The following ADAM20 variants were observed in gnomAD, a reference collection of about 807,000 sequenced individuals.
ADAM20 encodes disintegrin and metalloproteinase domain-containing protein 20.
For synonymous variants in ADAM20, 305 were observed against 310.2 expected, an observed-to-expected ratio of 0.98 and a Z score of 0.18; for missense variants, 871 against 883.2, an observed-to-expected ratio of 0.99 and a Z score of 0.18.
rs1395403496 is a variant in ADAM20, at chr14:70,523,715, A to G, written c.1043T>C (p.Leu348Ser). ...ITLGHELGHNLGMQHDTQWCV... is the reference protein window; with the variant it reads ...ITLGHELGHNSGMQHDTQWCV... ...CCACTGGGTGTCATGTTGCATACCC[A>G]AATTATGACCAAGCTCGTGGCCCAA... is the stretch of plus-strand genomic sequence containing the variant. The change falls in exon 2 of 2, where the codon TTG becomes TCG. Residue 348 changes from leucine to serine, a missense_variant. By Grantham distance (145) the Leu-to-Ser change is moderately radical. Transcript: ENST00000256389. 1.2e-6 allele frequency: 2 copies of G among 1,614,082 alleles called. No homozygotes were observed. Among genetic ancestry groups the G allele is most frequent in the Admixed American group, 1.7e-5 (1 of 59,990 alleles).
At chr14:70,565,593 A>T in the ADAM20 span, among the ~76,000 whole-genome samples, 2 of 152,214 alleles carry the variant, frequency 1.3e-5, no homozygotes, top group African/African-American at 4.8e-5. Context: ...GCAGGCCAAG[A>T]GAGTGAGATG....
the ADAM20 span, among the ~76,000 whole-genome samples, chr14:70,546,693 T>C: frequency 1.5e-3 from 227 of 152,130 alleles, no homozygotes; most frequent in African/African-American, 5.3e-3. Flanking sequence ...TCACAGCACC[T>C]ACATCAACAA....
At chr14:70,561,032 C>A in the ADAM20 span, among the ~76,000 whole-genome samples, 1 of 152,116 alleles carries the variant, frequency 6.6e-6, no homozygotes, top group Admixed American at 6.5e-5. Context: ...CAGAAGAAGA[C>A]AGGAAGATAT....
chr14:70,537,648 C>T (rs1039299178), upstream of ADAM20, among the ~76,000 whole-genome samples: 1 of 152,150 alleles, frequency 6.6e-6, no homozygotes, highest in African/African-American at 2.4e-5. Context: ...GGAACAAAAA[C>T]AGACACCCTC....
At chr14:70,538,448 G>A (rs1883880481), upstream of ADAM20, among the ~76,000 whole-genome samples, 1 of 152,176 alleles carries the variant, frequency 6.6e-6, no homozygotes, top group Non-Finnish European at 1.5e-5. Context: ...GAAAAAGAGT[G>A]CTCAGCTTAA....
the ADAM20 span, among the ~76,000 whole-genome samples, chr14:70,573,031 T>G: frequency 6.6e-6 from 1 of 152,108 alleles, no homozygotes; most frequent in South Asian, 2.1e-4. Context: ...TATGGAGAAT[T>G]CTCAAAGAAC....
chr14:70,571,146 A>G, the ADAM20 span, among the ~76,000 whole-genome samples: 8 of 152,166 alleles, frequency 5.3e-5, no homozygotes, highest in Non-Finnish European at 2.9e-5. Flanking sequence ...AGCTAACATC[A>G]TACTGAATGG....
At chr14:70,557,335 A>G in the ADAM20 span, 2 of 152,168 alleles carry the variant, frequency 1.3e-5, no homozygotes. Context: ...ATGTCATAAG[A>G]TTGCCACGGT....
chr14:70,540,659 C>T, the ADAM20 span, among the ~76,000 whole-genome samples: 60 of 152,326 alleles, frequency 3.9e-4, no homozygotes, highest in Middle Eastern at 3.4e-3. Context: ...AAGATAGCTA[C>T]ATCTTGAACT....
upstream of ADAM20, among the ~76,000 whole-genome samples, chr14:70,537,746 A>T (rs923236971): frequency 1.1e-4 from 16 of 152,158 alleles, no homozygotes; most frequent in African/African-American, 3.9e-4. Context: ...AACCTCGCCA[A>T]ACTTGACATA....
the ADAM20 span, among the ~76,000 whole-genome samples, chr14:70,541,588 G>C: frequency 6.6e-6 from 1 of 152,086 alleles, no homozygotes; most frequent in South Asian, 2.1e-4. Context: ...TGTCTAAAAG[G>C]TTTTATTAAA....
At chr14:70,561,633 A>AG in the ADAM20 span, among the ~76,000 whole-genome samples, 1 of 152,268 alleles carries the variant, frequency 6.6e-6, no homozygotes, top group Non-Finnish European at 1.5e-5. Flanking sequence ...GGCAAGGCCC[A>AG]GGGCCCAACT....
intron 1 of ADAM20, among the ~76,000 whole-genome samples, chr14:70,528,249 C>G (rs1423941869): frequency 6.6e-6 from 1 of 152,150 alleles, no homozygotes; most frequent in Non-Finnish European, 1.5e-5. Context: ...TTAAAAGCAA[C>G]TGAATGATGA....
intron 1 of ADAM20, among the ~76,000 whole-genome samples, chr14:70,534,082 CAAAAAAAA>C (rs59828723): frequency 3.7e-5 from 2 of 54,070 alleles, no homozygotes; most frequent in Admixed American, 2.5e-4. Flanking sequence ...GACCCTGTCT[CAAAAAAAA>C]AAAAAAAAAA....
At chr14:70,537,915 G>T (rs569128489), upstream of ADAM20, among the ~76,000 whole-genome samples, 1 of 152,098 alleles carries the variant, frequency 6.6e-6, no homozygotes, top group South Asian at 2.1e-4. Flanking sequence ...CTATATTCAG[G>T]CTTTCTTCTA....
rs1227642788 is a variant in ADAM20 at position 70,522,794 on chromosome 14, T to C, written c.1964A>G (p.Asn655Ser). Reference protein sequence around the residue: ...ICNNKQHCHCNHEWAPPYCKD... With the variant: ...ICNNKQHCHCSHEWAPPYCKD... ...GCAGTATGGGGGTGCCCATTCATGG[T>C]TGCAGTGACAGTGTTGTTTGTTGTT... Residue 655 changes from asparagine (N) to serine (S), a missense_variant, in exon 2 of 2, where the codon AAC becomes AGC. Physicochemically the swap from Asn to Ser is conservative, Grantham distance 46 (BLOSUM62 1). Transcript: ENST00000256389. The C allele has an allele frequency of 4.3e-6, 7 of 1,613,958 alleles. No individual in the cohort carries two copies. Among genetic ancestry groups the C allele is most frequent in the African/African-American group, 1.3e-5 (1 of 74,924 alleles).
upstream of ADAM20, among the ~76,000 whole-genome samples, chr14:70,535,386 C>T (rs1373622806): frequency 6.6e-6 from 1 of 152,052 alleles, no homozygotes; most frequent in Non-Finnish European, 1.5e-5. Flanking sequence ...ATAGATACGT[C>T]AAGGGAAAGG....
In ADAM20 at chr14:70,522,366, A is replaced by C. The variant is rs1883468500; in HGVS notation, c.*211T>G. The C allele has an allele frequency of 4.1e-6, 2 of 487,446 alleles. No homozygotes were observed. Among genetic ancestry groups the C allele is most frequent in the East Asian group, 7.2e-5 (2 of 27,750 alleles). 30.2% of individuals were successfully genotyped at this position (487,446 alleles called of 1,614,324 possible). On this transcript the variant is annotated 3_prime_UTR_variant, in exon 2 of 2. Transcript: ENST00000256389. ...AAACATAAAGACACAACTTCTGGGA[A>C]AAGGAACCTTTAATATTGCTTAAGA...
chr14:70,546,867 T>C, the ADAM20 span, among the ~76,000 whole-genome samples: 7 of 151,754 alleles, frequency 4.6e-5, no homozygotes, highest in South Asian at 4.2e-4. Flanking sequence ...TTTAAAGAAA[T>C]TGAAATGAAG....
Sources: allele counts gnomAD v4.1 joint callset (sites outside exome capture counted in the v4.1 genomes callset), GRCh38; gene constraint gnomAD v4.1.1; transcripts MANE v1.5; gene names NCBI Gene and HGNC (gene_info 2026-07-23, HGNC 2026-07-21).